The following CNTNAP2 variants were observed in gnomAD, a reference collection of about 807,000 sequenced individuals.
CNTNAP2 encodes contactin-associated protein-like 2.
Under a neutral mutation model 155.2 loss-of-function variants are expected in CNTNAP2, and 98 were observed. That is an observed-to-expected ratio of 0.63 (90% CI 0.54 to 0.75). The LOEUF is 0.75. Ranked by LOEUF, CNTNAP2 falls within the 30% of genes least tolerant of loss-of-function variation. CNTNAP2 has a pLI of 0.00. For missense variants in CNTNAP2, 1,727 were observed against 1,688.1 expected (o/e 1.02, Z -0.40); for synonymous variants, 651 against 631.2 (o/e 1.03, Z -0.47).
At position 147,325,575 on chromosome 7, in the gene CNTNAP2, T is replaced by C. The variant is rs1199230950; in HGVS notation, c.1498+25285T>C. ...GAAAATGAAGCGTAACTCCTATTAT[T>C]GCTGTATAATTATTGATTTGGCTTT... On this transcript the variant is annotated intron_variant, in intron 9 of 23. Coordinates refer to ENST00000361727, the MANE Select transcript of CNTNAP2 (RefSeq NM_014141.6). Among the ~76,000 whole-genome samples the C allele has an allele frequency of 2.6e-5, 4 of 152,292 alleles. 1 individual carries two copies. The highest frequency in any genetic ancestry group is 9.6e-5 in the African/African-American group (4 of 41,570).
chr7:148,395,311 T>A (rs1799445459), intron 22 of CNTNAP2, among the ~76,000 whole-genome samples: 1 of 152,090 alleles, frequency 6.6e-6, no homozygotes, highest in Non-Finnish European at 1.5e-5. Context: ...TGGTGGGGTG[T>A]GTGTATCATG....
intron 1 of CNTNAP2, among the ~76,000 whole-genome samples, chr7:146,493,924 C>T (rs761858786): frequency 6.6e-6 from 1 of 152,044 alleles, no homozygotes; most frequent in South Asian, 2.1e-4. Context: ...GTACAGTGTA[C>T]CCTGCTTGAG....
chr7:147,308,720 A>G (rs969742870), intron 9 of CNTNAP2, among the ~76,000 whole-genome samples: 3 of 152,190 alleles, frequency 2.0e-5, no homozygotes, highest in South Asian at 4.1e-4. Context: ...TTCCACCAAA[A>G]TTAACGGAAC....
intron 13 of CNTNAP2, among the ~76,000 whole-genome samples, chr7:147,701,293 C>T (rs1796232963): frequency 6.6e-6 from 1 of 152,142 alleles, no homozygotes; most frequent in African/African-American, 2.4e-5. Context: ...TCTTCAGTTT[C>T]ATGTTTCTGG....
intron 1 of CNTNAP2, among the ~76,000 whole-genome samples, chr7:146,172,189 A>G (rs904680307): frequency 2.6e-5 from 4 of 151,754 alleles, no homozygotes; most frequent in East Asian, 3.9e-4. Flanking sequence ...GAAAATACCT[A>G]TTTCTTCTTT....
intron 21 of CNTNAP2, among the ~76,000 whole-genome samples, chr7:148,303,909 G>T (rs4726948): frequency 0.053 from 8,007 of 152,222 alleles, 507 homozygotes; most frequent in Admixed American, 0.18. Context: ...AGTCTCCACT[G>T]CATCCTTTTA....
chr7:147,566,919 GATC>G (rs1800186182), intron 12 of CNTNAP2, among the ~76,000 whole-genome samples: 1 of 152,234 alleles, frequency 6.6e-6, no homozygotes, highest in Non-Finnish European at 1.5e-5. Context: ...GGGGCAAACA[GATC>G]ATCTGTGTGG....
intron 9 of CNTNAP2, among the ~76,000 whole-genome samples, chr7:147,364,167 T>C (rs1796189211): frequency 6.6e-6 from 1 of 152,184 alleles, no homozygotes; most frequent in South Asian, 2.1e-4. Context: ...TCTCTTTCTA[T>C]TTGCTTACAT....
intron 9 of CNTNAP2, among the ~76,000 whole-genome samples, chr7:147,317,244 T>C (rs1179094251): frequency 1.3e-5 from 2 of 152,358 alleles, no homozygotes; most frequent in East Asian, 3.9e-4. Flanking sequence ...CCATTCTAGT[T>C]AGTCCTCTTT....
At chr7:146,776,917 G>T (rs1802399684) in intron 2 of CNTNAP2, among the ~76,000 whole-genome samples, 1 of 152,062 alleles carries the variant, frequency 6.6e-6, no homozygotes. Context: ...GATTTGAGGA[G>T]TATCTTTACT....
chr7:146,550,399 C>CTTTTTTTTT (rs1584977002), intron 1 of CNTNAP2, among the ~76,000 whole-genome samples: 1 of 31,560 alleles, frequency 3.2e-5, no homozygotes, highest in African/African-American at 2.2e-4. Flanking sequence ...GTCCATTAAT[C>CTTTTTTTTT]TGTTTTTTTT....
chr7:146,128,436 C>T (rs1428211412), intron 1 of CNTNAP2, among the ~76,000 whole-genome samples: 3 of 152,092 alleles, frequency 2.0e-5, no homozygotes, highest in African/African-American at 7.2e-5. Context: ...AAATTCCAGC[C>T]AGTAGTTCTA....
intron 1 of CNTNAP2, among the ~76,000 whole-genome samples, chr7:146,662,571 AT>A (rs1314786851): frequency 6.7e-6 from 1 of 150,204 alleles, no homozygotes; most frequent in Non-Finnish European, 1.5e-5. Flanking sequence ...ACTGTGGTTT[AT>A]TTTTTATATT....
chr7:146,698,108 A>G (rs1425970837), intron 1 of CNTNAP2, among the ~76,000 whole-genome samples: 2 of 152,152 alleles, frequency 1.3e-5, no homozygotes, highest in Admixed American at 1.3e-4. Context: ...ATGTCATCAC[A>G]TGTAACATTG....
chr7:147,098,111 T>G (rs549601023), intron 4 of CNTNAP2, among the ~76,000 whole-genome samples: 1 of 152,310 alleles, frequency 6.6e-6, no homozygotes, highest in East Asian at 1.9e-4. Flanking sequence ...TCAGCTCGTT[T>G]GAGGCTGGGT....
chr7:146,525,550 ATCTATCTATCTATCTATCTATCTATCTC>A (rs1301570609), intron 1 of CNTNAP2, among the ~76,000 whole-genome samples: 22 of 146,566 alleles, frequency 1.5e-4, no homozygotes, highest in African/African-American at 5.8e-4. Context: ...CTATCTATCT[ATCTATCTATCTATCTATCTATCTATCTC>A]TCTATCTATC....
In CNTNAP2 at chr7:146,142,268, T is replaced by C. The variant is rs1163118551; in HGVS notation, c.97+25295T>C. On this transcript the variant is annotated intron_variant, in intron 1 of 23. Transcript: ENST00000361727. ...TTCAGGGGTTAGTGAAGAGAGGGCT[T>C]CTTTCTTCACTCCCCTCATTCTTTT... Among the ~76,000 whole-genome samples, 12 of 152,204 alleles carry C rather than the reference T, an allele frequency of 7.9e-5. 1 individual carries two copies. Among genetic ancestry groups the C allele is most frequent in the Admixed American group, 7.2e-4 (11 of 15,268 alleles).
At chr7:147,453,152 T>G (rs962000947) in intron 10 of CNTNAP2, among the ~76,000 whole-genome samples, 1 of 152,338 alleles carries the variant, frequency 6.6e-6, no homozygotes, top group Admixed American at 6.5e-5. Context: ...CTCAGCCAGA[T>G]GAAAGATTTG....
chr7:147,024,324 AC>A (rs1397512147), intron 3 of CNTNAP2, among the ~76,000 whole-genome samples: 2 of 152,174 alleles, frequency 1.3e-5, no homozygotes, highest in Admixed American at 1.3e-4. Context: ...CCTGTTTATA[AC>A]AAAAAAAAAG....
Sources: allele counts gnomAD v4.1 joint callset (sites outside exome capture counted in the v4.1 genomes callset), GRCh38; gene constraint gnomAD v4.1.1; transcripts MANE v1.5; gene names NCBI Gene and HGNC (gene_info 2026-07-23, HGNC 2026-07-21).